BRD7: variants seen among roughly 807,000 people sequenced by gnomAD.
BRD7 encodes bromodomain containing 7.
Under a neutral mutation model 82.1 loss-of-function variants are expected in BRD7, and 15 were observed. The ratio of observed to expected loss-of-function variants is 0.18; its 90% CI spans 0.12 to 0.28. The LOEUF (loss-of-function observed/expected upper bound fraction) is 0.28. BRD7 is among the 10% of genes least tolerant of loss of function. BRD7 has a pLI of 1.00. For synonymous variants in BRD7, 232 were observed against 266.9 expected, an observed-to-expected ratio of 0.87 and a Z score of 1.27; for missense variants, 638 against 779.9, an observed-to-expected ratio of 0.82 and a Z score of 2.17.
chr16:50,348,621 C>T (rs1257529494), intron 5 of BRD7, among the ~76,000 whole-genome samples: 2 of 152,174 alleles, frequency 1.3e-5, no homozygotes, highest in African/African-American at 4.8e-5. Context: ...AGACACTTCT[C>T]AAAAGAAGAC....
At chr16:50,353,791 G>C (rs1159235309) in intron 4 of BRD7, among the ~76,000 whole-genome samples, 1 of 150,024 alleles carries the variant, frequency 6.7e-6, no homozygotes, top group Non-Finnish European at 1.5e-5. Context: ...GTACAGATGG[G>C]GTTTCACCAT....
chr16:50,359,320 A>G (rs367922633), intron 2 of BRD7, among the ~76,000 whole-genome samples: 7 of 152,340 alleles, frequency 4.6e-5, no homozygotes, highest in East Asian at 1.9e-4. Context: ...GATAAACTAT[A>G]TAATTTTTTG....
intron 13 of BRD7, 54 bp downstream of exon 13, chr16:50,321,928 T>TA (rs1234759248): frequency 2.6e-6 from 4 of 1,516,578 alleles, no homozygotes; most frequent in Non-Finnish European, 2.7e-6. Flanking sequence ...AGACTTCTCT[T>TA]ACTCCCCTTA....
intron 2 of BRD7, among the ~76,000 whole-genome samples, chr16:50,367,415 G>A (rs1343658379): frequency 1.3e-5 from 2 of 151,982 alleles, no homozygotes; most frequent in Non-Finnish European, 2.9e-5. Context: ...GCAGAGGCAG[G>A]GCCTTGCTAT....
At chr16:50,360,936 A>T (rs1487801148) in intron 2 of BRD7, among the ~76,000 whole-genome samples, 1 of 152,192 alleles carries the variant, frequency 6.6e-6, no homozygotes, top group Non-Finnish European at 1.5e-5. Context: ...CAGATAAGCC[A>T]CAACAGCCCA....
intron 9 of BRD7, among the ~76,000 whole-genome samples, chr16:50,327,424 C>T (rs2037387219): frequency 6.6e-6 from 1 of 152,214 alleles, no homozygotes. Flanking sequence ...GTAGAAAGAG[C>T]AATGTTCTCA....
intron 5 of BRD7, among the ~76,000 whole-genome samples, chr16:50,342,173 A>AG (rs2038091228): frequency 6.6e-6 from 1 of 152,104 alleles, no homozygotes; most frequent in African/African-American, 2.4e-5. Flanking sequence ...AAAATCATGC[A>AG]GAAAAAAAAC....
intron 8 of BRD7, among the ~76,000 whole-genome samples, chr16:50,331,696 CCT>C (rs1244687955): frequency 1.3e-5 from 2 of 152,162 alleles, no homozygotes; most frequent in East Asian, 3.9e-4. Context: ...AGAGTGACAC[CCT>C]GTCTCAAAAT....
At chr16:50,360,502 C>T (rs571565075) in intron 2 of BRD7, among the ~76,000 whole-genome samples, 24 of 152,326 alleles carry the variant, frequency 1.6e-4, no homozygotes, top group African/African-American at 4.3e-4. Flanking sequence ...TTGCTACACA[C>T]GTTAGCCATT....
rs2036950493 is a variant in BRD7 at position 50,319,051 on chromosome 16, T to G, written c.*160A>C. The G allele has an allele frequency of 3.0e-6, 2 of 658,506 alleles. No homozygotes were observed. The highest frequency in any genetic ancestry group is 5.2e-6 in the Non-Finnish European group (2 of 388,282). The allele number at this position is 658,506 out of a possible 1,614,324, so 40.8% of individuals were successfully genotyped here. ...TTCCTCACGAGTCCCAGGTCCAGCT[T>G]TATTACCTAATACAAGTCCAACCTC... On this transcript the variant is annotated 3_prime_UTR_variant, in exon 17 of 17. Transcript: ENST00000394688.
At chr16:50,353,725 C>G (rs2038625531) in intron 4 of BRD7, among the ~76,000 whole-genome samples, 1 of 151,098 alleles carries the variant, frequency 6.6e-6, no homozygotes, top group Non-Finnish European at 1.5e-5. Context: ...TCCCAAGTAG[C>G]TGGGACTACA....
chr16:50,348,677 C>G (rs1461840516), intron 5 of BRD7, among the ~76,000 whole-genome samples: 1 of 152,132 alleles, frequency 6.6e-6, no homozygotes, highest in African/African-American at 2.4e-5. Context: ...CACTGGCAGT[C>G]GGAGAAATGC....
intron 2 of BRD7, among the ~76,000 whole-genome samples, chr16:50,360,125 T>C (rs895073281): frequency 2.6e-5 from 4 of 152,218 alleles, no homozygotes; most frequent in Admixed American, 6.5e-5. Context: ...CAAATGACAT[T>C]TGCCTGTTCT....
intron 2 of BRD7, among the ~76,000 whole-genome samples, chr16:50,366,525 T>A (rs1301378747): frequency 6.6e-6 from 1 of 152,266 alleles, no homozygotes; most frequent in Non-Finnish European, 1.5e-5. Context: ...ATACTATACT[T>A]GTCTACAATC....
chr16:50,355,904 AT>A (rs1224244628), intron 2 of BRD7, among the ~76,000 whole-genome samples: 1 of 152,246 alleles, frequency 6.6e-6, no homozygotes, highest in Admixed American at 6.5e-5. Flanking sequence ...ATAGACTGAG[AT>A]AAAGTACTTG....
chr16:50,330,731 T>A (rs962415109), intron 8 of BRD7, among the ~76,000 whole-genome samples: 1 of 151,776 alleles, frequency 6.6e-6, no homozygotes, highest in African/African-American at 2.4e-5. Context: ...TTATTTTATT[T>A]AAAAAAAACA....
chr16:50,350,303 A>G, intron 4 of BRD7, 136 bp from the exon 5 acceptor site: 1 of 601,434 alleles, frequency 1.7e-6, no homozygotes, highest in Middle Eastern at 3.0e-4. Flanking sequence ...TTAACTGAAA[A>G]CTGAAGAAAT....
Position 50,319,278 on chromosome 16 carries a change from A to T in BRD7, c.1901-12T>A. On this transcript the variant is annotated splice_polypyrimidine_tract_variant and intron_variant, in intron 16 of 16. Transcript: ENST00000394688. ...AGGTTCTTCAGTGTCTGAAAGAAAA[A>T]GACATCACTTAATTCAACATTGTTT... 6.2e-7 allele frequency: 1 copy of T among 1,611,798 alleles called. No homozygotes were observed. The highest frequency in any genetic ancestry group is 8.5e-7 in the Non-Finnish European group (1 of 1,179,242).
At chr16:50,330,575 C>T (rs554807825) in intron 8 of BRD7, among the ~76,000 whole-genome samples, 1 of 152,138 alleles carries the variant, frequency 6.6e-6, no homozygotes, top group African/African-American at 2.4e-5. Flanking sequence ...TGAAAACTGG[C>T]AAATGAAGAA....
Sources: allele counts gnomAD v4.1 joint callset (sites outside exome capture counted in the v4.1 genomes callset), GRCh38; gene constraint gnomAD v4.1.1; transcripts MANE v1.5; gene names NCBI Gene and HGNC (gene_info 2026-07-23, HGNC 2026-07-21).